The following CERS3 variants were observed in gnomAD, a reference collection of about 807,000 sequenced individuals.
CERS3 encodes LAG1 homolog, ceramide synthase 3.
CERS3 carries 33 observed loss-of-function variants against 50.3 expected under a neutral mutation model. The ratio of observed to expected loss-of-function variants is 0.66; its 90% CI spans 0.50 to 0.88. The LOEUF is 0.88. Among genes scored for constraint, CERS3 ranks in the 40% least tolerant of loss-of-function variants. The pLI is 0.00. For missense variants in CERS3, 470 were observed against 460.3 expected, an observed-to-expected ratio of 1.02 and a Z score of -0.19; for synonymous variants, 176 against 155.2, an observed-to-expected ratio of 1.13 and a Z score of -0.99.
At chr15:100,503,683 C>A (rs1330583078) in intron 2 of CERS3, 1 of 470,350 alleles carries the variant, frequency 2.1e-6, no homozygotes, top group Non-Finnish European at 4.4e-6. Context: ...AAGCCCCCTC[C>A]CCACTTTGCT....
chr15:100,498,242 T>G (rs117260592), intron 3 of CERS3, among the ~76,000 whole-genome samples: 2,731 of 152,306 alleles, frequency 0.018, 42 homozygotes, highest in South Asian at 0.051. Flanking sequence ...AATGTAGTTG[T>G]CTAATTGAGT....
At chr15:100,542,506 T>C (rs2037224628) in intron 1 of CERS3, among the ~76,000 whole-genome samples, 1 of 152,242 alleles carries the variant, frequency 6.6e-6, no homozygotes, top group African/African-American at 2.4e-5. Context: ...AATGATCTAT[T>C]CTTAGTGTGA....
At position 100,450,416 on chromosome 15, in the gene CERS3, C is replaced by CAAA. The variant is rs34873483; in HGVS notation, c.999+5474_999+5476dup. The stretch of plus-strand genomic sequence containing the variant: ...CTGGCAACACAGCAAGACTCTGTCT[C>CAAA]AAAAAAAAAAAAAAAAAAAAAAAGA... On this transcript the variant is annotated intron_variant, in intron 11 of 11. Coordinates refer to ENST00000679737, the MANE Select transcript of CERS3 (RefSeq NM_001378789.1). Among the ~76,000 whole-genome samples the CAAA allele has an allele frequency of 1.7e-3, 110 of 63,440 alleles. 1 individual carries two copies. Among genetic ancestry groups the CAAA allele is most frequent in the African/African-American group, 3.1e-3 (47 of 15,276 alleles). 41.6% of individuals were successfully genotyped at this position (63,440 alleles called of 152,430 possible).
At chr15:100,486,960 C>T (rs185582593) in intron 4 of CERS3, among the ~76,000 whole-genome samples, 4 of 152,260 alleles carry the variant, frequency 2.6e-5, no homozygotes, top group Admixed American at 1.3e-4. Flanking sequence ...AAGACAGTAA[C>T]TGTTTATGAG....
intron 2 of CERS3, among the ~76,000 whole-genome samples, chr15:100,509,127 T>G (rs1295637153): frequency 1.3e-5 from 2 of 152,166 alleles, no homozygotes; most frequent in African/African-American, 2.4e-5. Context: ...GTAGCTAATG[T>G]AGGGGGTTCA....
Position 100,488,963 on chromosome 15 carries a change from G to A in CERS3, c.288+1854C>T, listed in dbSNP as rs557105871. Among the ~76,000 whole-genome samples, 569 of 152,164 alleles carry A rather than the reference G, an allele frequency of 3.7e-3. 4 individuals are homozygous for A. Among genetic ancestry groups the A allele is most frequent in the Middle Eastern group, 0.02 (6 of 294 alleles). ...AGCTAATTTTTGTATTTTTAGTAGA[G>A]ACAGGGTTTCACCATGTTGGCCAGG... is the stretch of plus-strand genomic sequence containing the variant. On this transcript the variant is annotated intron_variant, in intron 4 of 11. Transcript: ENST00000679737.
At chr15:100,453,838 T>C (rs972120810) in intron 11 of CERS3, among the ~76,000 whole-genome samples, 2 of 152,160 alleles carry the variant, frequency 1.3e-5, no homozygotes, top group African/African-American at 2.4e-5. Flanking sequence ...ATAGTGTCTA[T>C]ATATGAACGA....
intron 11 of CERS3, among the ~76,000 whole-genome samples, chr15:100,406,510 T>C (rs2031036853): frequency 6.6e-6 from 1 of 152,166 alleles, no homozygotes; most frequent in South Asian, 2.1e-4. Flanking sequence ...TTCATGGGGC[T>C]CATCTCTGTA....
At chr15:100,441,180 C>A (rs1371211780) in intron 11 of CERS3, among the ~76,000 whole-genome samples, 1 of 151,976 alleles carries the variant, frequency 6.6e-6, no homozygotes, top group Non-Finnish European at 1.5e-5. Flanking sequence ...TATTTCTGCA[C>A]CCCGACCTCT....
At chr15:100,438,484 G>T (rs2033532335) in intron 11 of CERS3, among the ~76,000 whole-genome samples, 1 of 151,968 alleles carries the variant, frequency 6.6e-6, no homozygotes, top group Non-Finnish European at 1.5e-5. Flanking sequence ...CTAATTTTCT[G>T]GTTTTTCTAG....
At chr15:100,458,524 T>A (rs960766556) in intron 10 of CERS3, among the ~76,000 whole-genome samples, 3 of 150,280 alleles carry the variant, frequency 2.0e-5, no homozygotes, top group Non-Finnish European at 4.4e-5. Flanking sequence ...AGGCAGAGCG[T>A]GCAGTGAGCC....
intron 11 of CERS3, among the ~76,000 whole-genome samples, chr15:100,407,570 T>G (rs555228894): frequency 6.6e-6 from 1 of 152,362 alleles, no homozygotes; most frequent in Non-Finnish European, 1.5e-5. Context: ...TAATATATTC[T>G]GAATTTTCCA....
rs548212880 is a variant in CERS3, at chr15:100,400,958, G to T, written c.*1755C>A. 2 of 152,090 alleles carry T rather than the reference G, an allele frequency of 1.3e-5. No individual in the cohort carries two copies. The highest frequency in any genetic ancestry group is 2.4e-5 in the African/African-American group (1 of 41,416). The allele number at this position is 152,090 out of a possible 1,614,324, so 9.4% of individuals were successfully genotyped here. On this transcript the variant is annotated 3_prime_UTR_variant, in exon 12 of 12. Transcript: ENST00000679737. ...TGTTATACAGAGAAAATCTGACCTT[G>T]TTTGTAACAATTTCTCAGAAAGAGA...
intron 11 of CERS3, among the ~76,000 whole-genome samples, chr15:100,445,091 C>T (rs2033876038): frequency 1.6e-5 from 2 of 128,902 alleles, no homozygotes; most frequent in South Asian, 5.3e-4. Flanking sequence ...ACTTTTACCA[C>T]TTTCCCTTCT....
At position 100,402,766 on chromosome 15, in the gene CERS3, T is replaced by C. The variant is rs2030649855; in HGVS notation, c.1099A>G (p.Asn367Asp). The C allele has an allele frequency of 6.2e-7, 1 of 1,614,092 alleles. No homozygotes were observed. The highest frequency in any genetic ancestry group is 1.7e-5 in the Admixed American group (1 of 60,006). ...TKGKEMDCLK[N>D]GLRAERHLIP... ...AGGTGCCTCTCAGCCCTGAGGCCGT[T>C]CTTTAAACAATCCATCTCTTTGCCT... The change falls in exon 12 of 12, where the codon AAC becomes GAC. Residue 367 changes from asparagine to aspartate, a missense_variant. By Grantham distance (23) the Asn-to-Asp change is conservative. Transcript: ENST00000679737.
intron 1 of CERS3, among the ~76,000 whole-genome samples, chr15:100,523,518 G>A (rs113826726): frequency 1.6e-3 from 242 of 152,020 alleles, no homozygotes; most frequent in African/African-American, 5.2e-3. Context: ...TGGCTAACAC[G>A]GTGAAACCCT....
intron 10 of CERS3, among the ~76,000 whole-genome samples, chr15:100,462,328 G>A (rs962472429): frequency 2.6e-5 from 4 of 152,194 alleles, no homozygotes; most frequent in African/African-American, 9.7e-5. Flanking sequence ...AAATTGCAGT[G>A]TTGGTATAAA....
chr15:100,544,425 A>T (rs868414057), intron 1 of CERS3: 2 of 93,902 alleles, frequency 2.1e-5, no homozygotes, highest in African/African-American at 8.4e-5. Flanking sequence ...CTCGGCCTTG[A>T]CCTGCGCGGG....
At chr15:100,403,662 C>G (rs947685981) in intron 11 of CERS3, among the ~76,000 whole-genome samples, 1 of 152,198 alleles carries the variant, frequency 6.6e-6, no homozygotes, top group Non-Finnish European at 1.5e-5. Context: ...ACCAATTTCT[C>G]AAAAACTACA....
Sources: gnomAD v4.1 joint callset for allele counts (sites outside exome capture counted in the v4.1 genomes callset) on GRCh38, gnomAD v4.1.1 for gene constraint, MANE v1.5 for transcripts, NCBI Gene and HGNC (gene_info 2026-07-23, HGNC 2026-07-21) for gene names.